ST3GAL3: variants seen among roughly 807,000 people sequenced by gnomAD.
ST3GAL3 encodes CMP-N-acetylneuraminate-beta-1,4-galactoside alpha-2,3-sialyltransferase.
In ST3GAL3, 21 loss-of-function variants were observed where a neutral mutation model predicts 50.1. That is an observed-to-expected ratio of 0.42 (90% CI 0.30 to 0.60). ST3GAL3 has a LOEUF of 0.60. Ranked by LOEUF, ST3GAL3 falls within the 20% of genes least tolerant of loss-of-function variation. The pLI, the probability that ST3GAL3 is intolerant of heterozygous loss-of-function variation, is 0.19. For synonymous variants in ST3GAL3, 183 were observed against 190.0 expected (o/e 0.96, Z 0.30); for missense variants, 353 against 489.4 (o/e 0.72, Z 2.63).
chr1:43,733,030 G>A (rs1676616915), intron 1 of ST3GAL3, among the ~76,000 whole-genome samples: 1 of 147,458 alleles, frequency 6.8e-6, no homozygotes, highest in Admixed American at 6.8e-5. Context: ...CCAGGCTGAT[G>A]TGCAGTAGCA....
chr1:43,791,285 T>C (rs1384836878), intron 2 of ST3GAL3, among the ~76,000 whole-genome samples: 2 of 152,208 alleles, frequency 1.3e-5, no homozygotes, highest in Non-Finnish European at 2.9e-5. Flanking sequence ...TTTGGTAACA[T>C]TTTTTTCTCC....
chr1:43,800,829 C>T (rs953013137), intron 3 of ST3GAL3, among the ~76,000 whole-genome samples: 3 of 152,226 alleles, frequency 2.0e-5, no homozygotes, highest in African/African-American at 7.2e-5. Flanking sequence ...CTATTGCCAA[C>T]TTCTTCCTCC....
At chr1:43,888,897 T>G (rs549709629) in intron 5 of ST3GAL3, among the ~76,000 whole-genome samples, 23 of 152,250 alleles carry the variant, frequency 1.5e-4, no homozygotes, top group African/African-American at 5.3e-4. Flanking sequence ...ATACACACTT[T>G]CCCTTTGATC....
chr1:43,919,013 T>C (rs1239271938), intron 9 of ST3GAL3: 2 of 151,356 alleles, frequency 1.3e-5, no homozygotes, highest in African/African-American at 4.8e-5. Flanking sequence ...ATTTTATCCA[T>C]TCTAAGTTTA....
intron 1 of ST3GAL3, chr1:43,720,560 G>T (rs1288558752): frequency 6.6e-6 from 1 of 152,232 alleles, no homozygotes; most frequent in Non-Finnish European, 1.5e-5. Context: ...ACCTGGAAGG[G>T]CAAGAGAGAG....
intron 2 of ST3GAL3, among the ~76,000 whole-genome samples, chr1:43,776,599 A>G (rs1360977957): frequency 6.6e-6 from 1 of 152,144 alleles, no homozygotes; most frequent in African/African-American, 2.4e-5. Context: ...TGGCAGTGGA[A>G]TTGCTGAGTC....
intron 1 of ST3GAL3, among the ~76,000 whole-genome samples, chr1:43,731,877 T>C (rs947751856): frequency 1.3e-5 from 2 of 151,966 alleles, no homozygotes; most frequent in African/African-American, 4.8e-5. Context: ...AGGGTCCTAC[T>C]GTGTTGCCCA....
intron 2 of ST3GAL3, among the ~76,000 whole-genome samples, chr1:43,754,261 C>A (rs772433489): frequency 6.6e-6 from 1 of 152,170 alleles, no homozygotes; most frequent in African/African-American, 2.4e-5. Flanking sequence ...GGCACAGTCC[C>A]GGCTCACTGC....
At chr1:43,764,484 G>A (rs1050803616) in intron 2 of ST3GAL3, among the ~76,000 whole-genome samples, 15 of 152,124 alleles carry the variant, frequency 9.9e-5, no homozygotes, top group African/African-American at 3.1e-4. Flanking sequence ...CTGAGATAAA[G>A]ATTAGGGTGT....
chr1:43,794,109 A>G (rs1217419191), intron 3 of ST3GAL3, among the ~76,000 whole-genome samples: 1 of 151,764 alleles, frequency 6.6e-6, no homozygotes, highest in Non-Finnish European at 1.5e-5. Flanking sequence ...AAAAAGAAGG[A>G]AAAAAGAGAG....
intron 5 of ST3GAL3, chr1:43,840,215 TG>T (rs2065149513): frequency 1.3e-5 from 2 of 151,864 alleles, no homozygotes; most frequent in South Asian, 2.1e-4. Flanking sequence ...CTGGTAGAGG[TG>T]GGGTTTTGCC....
intron 1 of ST3GAL3, among the ~76,000 whole-genome samples, chr1:43,719,934 GAAAA>G (rs148364295): frequency 1.7e-4 from 7 of 41,702 alleles, no homozygotes; most frequent in African/African-American, 7.4e-4. Context: ...CTCTGTCTCA[GAAAA>G]AAAAAAAAAA....
intron 4 of ST3GAL3, among the ~76,000 whole-genome samples, chr1:43,828,266 G>C (rs1190487761): frequency 6.6e-6 from 1 of 152,126 alleles, no homozygotes; most frequent in Non-Finnish European, 1.5e-5. Flanking sequence ...AACCTAAATA[G>C]ACTAAATGCA....
intron 3 of ST3GAL3, among the ~76,000 whole-genome samples, chr1:43,813,860 G>GACACACACACACAC (rs57947852): frequency 6.9e-6 from 1 of 144,536 alleles, no homozygotes; most frequent in Non-Finnish European, 1.5e-5. Flanking sequence ...TTTTTGGCTA[G>GACACACACACACAC]ACACACACAC....
At chr1:43,736,652 T>G (rs1678599584) in intron 2 of ST3GAL3, 2 of 543,642 alleles carry the variant, frequency 3.7e-6, no homozygotes, top group African/African-American at 3.8e-5. Context: ...CAAACTATAC[T>G]CATACTTCTA....
Position 43,879,556 on chromosome 1 carries a change from T to G in ST3GAL3, c.303-14827T>G, listed in dbSNP as rs560810866. On this transcript the variant is annotated intron_variant, in intron 5 of 11. Coordinates refer to ENST00000347631, the MANE Select transcript of ST3GAL3 (RefSeq NM_006279.5). ...GTTTAGTGATTGTATTAACAGGACT[T>G]GCTGATGAATTGGATGAGAGGCAGC... 49 of 375,698 alleles carry G rather than the reference T, an allele frequency of 1.3e-4. 1 individual carries two copies. The highest frequency in any genetic ancestry group is 9.5e-4 in the South Asian group (48 of 50,376). The allele number at this position is 375,698 out of a possible 1,614,324, so 23.3% of individuals were successfully genotyped here. A position where few individuals can be genotyped will look rare whatever the true frequency, so the allele number is the denominator to read the frequency against.
At chr1:43,926,923 A>G (rs973201310) in intron 11 of ST3GAL3, among the ~76,000 whole-genome samples, 31 of 152,034 alleles carry the variant, frequency 2.0e-4, no homozygotes, top group African/African-American at 7.0e-4. Flanking sequence ...CCTGCCCCCC[A>G]CCTTCCACAG....
intron 4 of ST3GAL3, among the ~76,000 whole-genome samples, chr1:43,822,277 A>G (rs1169633879): frequency 6.6e-6 from 1 of 152,178 alleles, no homozygotes; most frequent in East Asian, 1.9e-4. Context: ...TCCAAGTGTG[A>G]CTTTCCTGAG....
intron 5 of ST3GAL3, among the ~76,000 whole-genome samples, chr1:43,855,284 A>G (rs2068119153): frequency 6.6e-6 from 1 of 152,240 alleles, no homozygotes; most frequent in Non-Finnish European, 1.5e-5. Context: ...CAAAAGACAC[A>G]ATCATGAACA....
Sources: allele counts gnomAD v4.1 joint callset (sites outside exome capture counted in the v4.1 genomes callset), GRCh38; gene constraint gnomAD v4.1.1; transcripts MANE v1.5; gene names NCBI Gene and HGNC (gene_info 2026-07-23, HGNC 2026-07-21).